Variants in PUM2 observed in about 807,000 individuals in gnomAD.
The protein encoded by PUM2 is pumilio homolog 2.
Under a neutral mutation model 124.5 loss-of-function variants are expected in PUM2, and 57 were observed. The observed-to-expected ratio is 0.46, with a 90% CI of 0.37 to 0.57. The LOEUF (loss-of-function observed/expected upper bound fraction) is 0.57. Ranked by LOEUF, PUM2 falls within the 20% of genes least tolerant of loss-of-function variation. The pLI is 0.00. For missense variants in PUM2, 1,065 were observed against 1,290.6 expected, an observed-to-expected ratio of 0.83 and a Z score of 2.68; for synonymous variants, 460 against 446.1, an observed-to-expected ratio of 1.03 and a Z score of -0.39.
intron 12 of PUM2, among the ~76,000 whole-genome samples, chr2:20,281,394 T>A (rs1264071930): frequency 6.6e-6 from 1 of 152,062 alleles, no homozygotes; most frequent in Non-Finnish European, 1.5e-5. Context: ...TTGAAAGAAT[T>A]GAGTAGGGGC....
intron 2 of PUM2, among the ~76,000 whole-genome samples, chr2:20,321,594 G>A (rs2148772185): frequency 6.6e-6 from 1 of 152,200 alleles, no homozygotes; most frequent in Non-Finnish European, 1.5e-5. Context: ...TGAACTAAAT[G>A]TAGGGGAAGG....
rs527604081 is a variant in PUM2, at chr2:20,298,250, T to C, written c.884-572A>G. Among the ~76,000 whole-genome samples, 4 of 152,158 alleles carry C rather than the reference T, an allele frequency of 2.6e-5. No individual in the cohort carries two copies. The South Asian group carries it at 8.3e-4, about 32-fold the overall frequency. On this transcript the variant is annotated intron_variant, in intron 7 of 20. Coordinates refer to ENST00000361078, the MANE Select transcript of PUM2 (RefSeq NM_015317.5). ...CTTTGGAAGGGGTGAGTAAAATGAA[T>C]GAGGTATAGTGTAAGATAAAATAAA...
Position 20,257,929 on chromosome 2 carries a change from C to T in PUM2, c.2484+314G>A, listed in dbSNP as rs77175514. Among the ~76,000 whole-genome samples the T allele has an allele frequency of 4.2e-4, 64 of 152,068 alleles. No individual in the cohort carries two copies. In the East Asian group the frequency reaches 9.8e-3, roughly 23 times the overall value. On this transcript the variant is annotated intron_variant, in intron 16 of 20. Transcript: ENST00000361078. ...TTCTTATAATAGAAACATTAGACAC[C>T]ATCAAAATAAGCACTGGAAAATAGT...
intron 1 of PUM2, among the ~76,000 whole-genome samples, chr2:20,334,431 T>C (rs1685555283): frequency 6.6e-6 from 1 of 152,200 alleles, no homozygotes; most frequent in Non-Finnish European, 1.5e-5. Flanking sequence ...TAAATGGTAT[T>C]AAAGCACTCT....
intron 2 of PUM2, among the ~76,000 whole-genome samples, chr2:20,323,735 C>T (rs1237399382): frequency 6.6e-6 from 1 of 151,848 alleles, no homozygotes; most frequent in African/African-American, 2.4e-5. Flanking sequence ...GGAAAACTGA[C>T]CAAGGTTACA....
At chr2:20,342,104 G>A (rs1175134418) in intron 1 of PUM2, among the ~76,000 whole-genome samples, 1 of 149,994 alleles carries the variant, frequency 6.7e-6, no homozygotes, top group Non-Finnish European at 1.5e-5. Flanking sequence ...ACTCCAGCCT[G>A]GGCAACAGAG....
At chr2:20,342,002 G>C (rs926678054) in intron 1 of PUM2, among the ~76,000 whole-genome samples, 1 of 151,912 alleles carries the variant, frequency 6.6e-6, no homozygotes, top group African/African-American at 2.4e-5. Context: ...GGTGGCAGGC[G>C]CCTGTGATCC....
chr2:20,339,966 C>T (rs540517482), intron 1 of PUM2, among the ~76,000 whole-genome samples: 114 of 151,722 alleles, frequency 7.5e-4, no homozygotes, highest in Non-Finnish European at 1.0e-3. Flanking sequence ...TAGTTCTATC[C>T]TACTCTTGAT....
At chr2:20,335,259 C>T (rs1459057364) in intron 1 of PUM2, among the ~76,000 whole-genome samples, 3 of 152,132 alleles carry the variant, frequency 2.0e-5, no homozygotes, top group Admixed American at 6.6e-5. Flanking sequence ...ATTGAACATC[C>T]GTGGTATCTA....
chr2:20,310,880 A>G (rs546058693), intron 5 of PUM2, among the ~76,000 whole-genome samples: 1 of 152,192 alleles, frequency 6.6e-6, no homozygotes, highest in African/African-American at 2.4e-5. Flanking sequence ...ACCAAAGGCT[A>G]AAGTACTCAT....
At chr2:20,284,934 T>C (rs560061707) in intron 10 of PUM2, among the ~76,000 whole-genome samples, 2 of 152,210 alleles carry the variant, frequency 1.3e-5, no homozygotes, top group Non-Finnish European at 2.9e-5. Flanking sequence ...ACTAGTAAAT[T>C]TCAAACTGTA....
At chr2:20,336,385 A>G (rs1273066179) in intron 1 of PUM2, among the ~76,000 whole-genome samples, 1 of 152,008 alleles carries the variant, frequency 6.6e-6, no homozygotes, top group Non-Finnish European at 1.5e-5. Flanking sequence ...GGGTTTTGCC[A>G]TGTTGCCCAG....
chr2:20,350,799 C>CA lies in PUM2; in HGVS notation c.-222dup. ...CCACCGAAGTACCGAGGGTGAGACA[C>CA]AGAGACTCACAACAACATGGCTGCC... On this transcript the variant is annotated 5_prime_UTR_variant, in exon 1 of 21. Coordinates refer to ENST00000361078, the MANE Select transcript of PUM2 (RefSeq NM_015317.5). 3.1e-6 allele frequency: 3 copies of CA among 980,526 alleles called. No homozygotes were observed. The highest frequency in any genetic ancestry group is 3.6e-6 in the Non-Finnish European group (3 of 827,896). 60.7% of individuals were successfully genotyped at this position (980,526 alleles called of 1,614,324 possible).
At chr2:20,252,685 A>C (rs1663738297) in intron 20 of PUM2, among the ~76,000 whole-genome samples, 1 of 152,184 alleles carries the variant, frequency 6.6e-6, no homozygotes, top group Non-Finnish European at 1.5e-5. Flanking sequence ...TTCTAGGAGG[A>C]GGATACAGAG....
intron 2 of PUM2, among the ~76,000 whole-genome samples, chr2:20,323,908 C>CAAAAAAAAAAAA (rs397984008): frequency 1.7e-5 from 1 of 58,426 alleles, no homozygotes; most frequent in African/African-American, 6.0e-5. Flanking sequence ...TACGGACTAG[C>CAAAAAAAAAAAA]AAAAAAAAAA....
At chr2:20,261,761 GAA>G (rs1394817590) in intron 14 of PUM2, among the ~76,000 whole-genome samples, 3 of 152,138 alleles carry the variant, frequency 2.0e-5, no homozygotes, top group East Asian at 3.9e-4. Flanking sequence ...TCTGTAAACA[GAA>G]AAAGTCTCAT....
chr2:20,318,423 A>C, intron 3 of PUM2, 114 bp downstream of exon 3: 1 of 873,988 alleles, frequency 1.1e-6, no homozygotes, highest in Non-Finnish European at 1.7e-6. Flanking sequence ...GCAATAGCGC[A>C]AAACTATACA....
At chr2:20,323,027 G>A (rs565269692) in intron 2 of PUM2, among the ~76,000 whole-genome samples, 9 of 152,238 alleles carry the variant, frequency 5.9e-5, no homozygotes, top group Non-Finnish European at 1.2e-4. Context: ...GTACTGTACA[G>A]AAGTAGTACT....
intron 2 of PUM2, among the ~76,000 whole-genome samples, chr2:20,319,825 G>A (rs1011231658): frequency 2.6e-5 from 4 of 152,182 alleles, no homozygotes; most frequent in African/African-American, 9.7e-5. Flanking sequence ...ATGCTCTACT[G>A]AAGCAACAGG....
Sources: gnomAD v4.1 joint callset for allele counts (sites outside exome capture counted in the v4.1 genomes callset) on GRCh38, gnomAD v4.1.1 for gene constraint, MANE v1.5 for transcripts, NCBI Gene and HGNC (gene_info 2026-07-23, HGNC 2026-07-21) for gene names.